The following ADD3 variants were observed in gnomAD, a reference collection of about 807,000 sequenced individuals.
The protein encoded by ADD3 is adducin 3.
A neutral mutation model predicts 80.2 loss-of-function variants in ADD3; 25 were observed. The observed-to-expected ratio is 0.31, with a 90% CI of 0.23 to 0.44. ADD3 has a LOEUF of 0.44. ADD3 is among the 20% of genes least tolerant of loss of function. The pLI is 1.00. For synonymous variants in ADD3, 284 were observed against 289.6 expected (o/e 0.98, Z 0.20); for missense variants, 829 against 847.5 (o/e 0.98, Z 0.27).
At chr10:110,034,769 A>T (rs1189679453) in intron 1 of ADD3, among the ~76,000 whole-genome samples, 3 of 152,180 alleles carry the variant, frequency 2.0e-5, no homozygotes, top group Admixed American at 6.5e-5. Flanking sequence ...AATGTTTTTT[A>T]AAAAATGTTA....
intron 2 of ADD3, among the ~76,000 whole-genome samples, chr10:110,101,635 T>TAAA (rs201966150): frequency 0.019 from 1,901 of 102,644 alleles, 57 homozygotes; most frequent in African/African-American, 0.064. Flanking sequence ...AGACCTTACC[T>TAAA]AAAAAAAAAA....
chr10:110,061,664 G>T (rs1344301051), intron 1 of ADD3, among the ~76,000 whole-genome samples: 1 of 152,068 alleles, frequency 6.6e-6, no homozygotes, highest in Non-Finnish European at 1.5e-5. Flanking sequence ...CTTTTCTTTT[G>T]TATTGCTGTA....
At chr10:110,007,290 C>T (rs577133405), upstream of ADD3, among the ~76,000 whole-genome samples, 3 of 152,156 alleles carry the variant, frequency 2.0e-5, no homozygotes, top group African/African-American at 7.2e-5. Context: ...CCCCTGTCCT[C>T]CCCCTATGTG....
At chr10:110,060,581 G>A (rs1858761110) in intron 1 of ADD3, among the ~76,000 whole-genome samples, 2 of 152,166 alleles carry the variant, frequency 1.3e-5, no homozygotes, top group African/African-American at 4.8e-5. Flanking sequence ...CTCAAAGCTT[G>A]AGGACAACTT....
At chr10:110,078,676 G>A (rs1019216521) in intron 1 of ADD3, among the ~76,000 whole-genome samples, 3 of 152,018 alleles carry the variant, frequency 2.0e-5, no homozygotes, top group Non-Finnish European at 4.4e-5. Flanking sequence ...AGTATATTTT[G>A]CATCATGACC....
chr10:110,085,974 A>C (rs1403429371), intron 1 of ADD3, among the ~76,000 whole-genome samples: 1 of 152,016 alleles, frequency 6.6e-6, no homozygotes, highest in Non-Finnish European at 1.5e-5. Flanking sequence ...GCGTGGTGGT[A>C]CAAGCCTGTA....
rs9783198 is a variant in ADD3 at position 110,122,081 on chromosome 10, G to A, written c.961-29G>A. 47,408 of 1,573,532 alleles carry A rather than the reference G, an allele frequency of 0.03. 9,589 individuals are homozygous for A. In the African/African-American group the frequency reaches 0.5, roughly 17 times the overall value. On this transcript the variant is annotated intron_variant, in intron 8 of 14. Transcript: ENST00000356080. The stretch of plus-strand genomic sequence containing the variant: ...CTCATTACAGTCTTTATAGTTTTGT[G>A]TCTCTGTATATTTTACCATTGATTA...
At chr10:110,032,611 G>A (rs967979923) in intron 1 of ADD3, among the ~76,000 whole-genome samples, 6 of 152,262 alleles carry the variant, frequency 3.9e-5, no homozygotes, top group Middle Eastern at 3.4e-3. Context: ...AGTATAGTAT[G>A]CTAGAAAGAG....
upstream of ADD3, among the ~76,000 whole-genome samples, chr10:110,005,017 A>G (rs571632096): frequency 2.1e-4 from 32 of 152,242 alleles, no homozygotes; most frequent in Admixed American, 1.7e-3. Context: ...ATTATCCAAA[A>G]ATTATTTTAG....
intron 6 of ADD3, among the ~76,000 whole-genome samples, 173 bp from the exon 7 acceptor site, chr10:110,119,038 T>TTGTG (rs751527150): frequency 8.5e-5 from 13 of 152,164 alleles, no homozygotes; most frequent in Non-Finnish European, 1.5e-4. Flanking sequence ...TAAGTCCTTT[T>TTGTG]TGTGTGTGTG....
In ADD3 at chr10:110,135,426, T is replaced by C. The variant is rs1853528968; in HGVS notation, c.*1808T>C. On this transcript the variant is annotated 3_prime_UTR_variant, in exon 15 of 15. Transcript: ENST00000356080. ...AACTATTGCACCTTTTGCTAATGCC[T>C]CTATTTACTTGCTTTGGCATAAAGA... The C allele has an allele frequency of 6.5e-6, 1 of 152,672 alleles. No individual in the cohort carries two copies. Among genetic ancestry groups the C allele is most frequent in the Admixed American group, 6.5e-5 (1 of 15,290 alleles). 9.5% of individuals were successfully genotyped at this position (152,672 alleles called of 1,614,324 possible). A position where few individuals can be genotyped will look rare whatever the true frequency, so the allele number is the denominator to read the frequency against.
chr10:110,048,028 C>T (rs946014615), intron 1 of ADD3, among the ~76,000 whole-genome samples: 5 of 152,146 alleles, frequency 3.3e-5, no homozygotes, highest in African/African-American at 9.7e-5. Context: ...TCCCATAATT[C>T]CCATGTGTTG....
At chr10:110,048,852 G>A (rs1448106431) in intron 1 of ADD3, among the ~76,000 whole-genome samples, 2 of 152,214 alleles carry the variant, frequency 1.3e-5, no homozygotes, top group Non-Finnish European at 2.9e-5. Flanking sequence ...ATTCAAGCTG[G>A]CTGCAGAAAT....
At chr10:109,997,643 A>T (rs1851406431) in intron 1 of ADD3, 2 of 152,240 alleles carry the variant, frequency 1.3e-5, no homozygotes, top group Non-Finnish European at 2.9e-5. Flanking sequence ...AAGCTTTTAA[A>T]TCACACCGTA....
intron 1 of ADD3, among the ~76,000 whole-genome samples, chr10:110,008,808 G>C (rs1237728287): frequency 1.3e-5 from 2 of 152,102 alleles, no homozygotes; most frequent in African/African-American, 4.8e-5. Flanking sequence ...AGTTGAAAGT[G>C]TTCAGTCACC....
chr10:110,068,380 T>G (rs1844245024), intron 1 of ADD3, among the ~76,000 whole-genome samples: 1 of 152,188 alleles, frequency 6.6e-6, no homozygotes, highest in Non-Finnish European at 1.5e-5. Context: ...CAACCACAGA[T>G]TGAAAATATT....
intron 1 of ADD3, among the ~76,000 whole-genome samples, chr10:110,061,524 C>T (rs1329438667): frequency 6.6e-6 from 1 of 152,186 alleles, no homozygotes; most frequent in African/African-American, 2.4e-5. Context: ...TACTGTACTT[C>T]ATAGACACTT....
At chr10:110,019,212 AT>A (rs1209800386) in intron 1 of ADD3, among the ~76,000 whole-genome samples, 1 of 152,168 alleles carries the variant, frequency 6.6e-6, no homozygotes, top group African/African-American at 2.4e-5. Flanking sequence ...TTTTTGTAAA[AT>A]AACATTGTCC....
At chr10:110,018,338 G>T (rs542945488) in intron 1 of ADD3, among the ~76,000 whole-genome samples, 1 of 151,810 alleles carries the variant, frequency 6.6e-6, no homozygotes, top group South Asian at 2.1e-4. Context: ...GACCAGCATG[G>T]TCAACATGAT....
Sources: allele counts gnomAD v4.1 joint callset (sites outside exome capture counted in the v4.1 genomes callset), GRCh38; gene constraint gnomAD v4.1.1; transcripts MANE v1.5; gene names NCBI Gene and HGNC (gene_info 2026-07-23, HGNC 2026-07-21).